Variants in FAM171A1 observed in about 807,000 individuals in gnomAD.
FAM171A1 encodes protein FAM171A1.
A neutral mutation model predicts 74.9 loss-of-function variants in FAM171A1; 23 were observed. The observed-to-expected ratio is 0.31, with a 90% CI of 0.22 to 0.44. The LOEUF (loss-of-function observed/expected upper bound fraction) is 0.44, where lower values mean the gene tolerates loss of function less well. Ranked by LOEUF, FAM171A1 falls within the 20% of genes least tolerant of loss-of-function variation. FAM171A1 has a pLI of 1.00. For missense variants in FAM171A1, 1,162 were observed against 1,159.2 expected, an observed-to-expected ratio of 1.00 and a Z score of -0.03; for synonymous variants, 527 against 505.7, an observed-to-expected ratio of 1.04 and a Z score of -0.57.
rs1564274229 is a variant in FAM171A1, at chr10:15,312,667, C to CTGTG, written c.98-28566_98-28563dup. 1.4e-3 allele frequency among the ~76,000 whole-genome samples: 144 copies of CTGTG among 101,120 alleles called. 1 individual carries two copies. Among genetic ancestry groups the CTGTG allele is most frequent in the African/African-American group, 5.9e-3 (135 of 22,844 alleles). The allele number at this position is 101,120 out of a possible 152,430, so 66.3% of individuals were successfully genotyped here. ...ATCAACTACTGGAATGAGTTCAGCA[C>CTGTG]TGTGTGTTTTTTTTTTTTTTTTTTT... On this transcript the variant is annotated intron_variant, in intron 1 of 7. Transcript: ENST00000378116.
chr10:15,332,585 A>G (rs1370921461), intron 1 of FAM171A1, among the ~76,000 whole-genome samples: 1 of 152,194 alleles, frequency 6.6e-6, no homozygotes, highest in African/African-American at 2.4e-5. Flanking sequence ...AAAGGCCTTC[A>G]TATGATAGAG....
rs543410195 is a variant in FAM171A1 at position 15,235,982 on chromosome 10, G to A, written c.754+12657C>T. Among the ~76,000 whole-genome samples, 11 of 152,278 alleles carry A rather than the reference G, an allele frequency of 7.2e-5. No individual in the cohort carries two copies. The East Asian group carries it at 2.1e-3, about 29-fold the overall frequency. On this transcript the variant is annotated intron_variant, in intron 5 of 7. Transcript: ENST00000378116. ...GTGTTCAGCCAGGAGATAGGAGTGAGCAGAGCCAGGGAGCACATTAGGCTC... is the reference window on the plus strand; with the variant it reads ...GTGTTCAGCCAGGAGATAGGAGTGAACAGAGCCAGGGAGCACATTAGGCTC...
intron 3 of FAM171A1, among the ~76,000 whole-genome samples, chr10:15,256,451 G>A (rs1834581669): frequency 6.6e-6 from 1 of 152,058 alleles, no homozygotes; most frequent in African/African-American, 2.4e-5. Flanking sequence ...CTTCTCCAGG[G>A]GCTGGTTCTC....
At chr10:15,339,073 A>G (rs1275596908) in intron 1 of FAM171A1, among the ~76,000 whole-genome samples, 1 of 152,140 alleles carries the variant, frequency 6.6e-6, no homozygotes, top group African/African-American at 2.4e-5. Context: ...TGCTAAGGTT[A>G]AGTTTTTTAA....
At chr10:15,334,830 T>G (rs1012272810) in intron 1 of FAM171A1, among the ~76,000 whole-genome samples, 2 of 152,226 alleles carry the variant, frequency 1.3e-5, no homozygotes, top group African/African-American at 4.8e-5. Context: ...CTGAATACAC[T>G]TTATGCTACA....
chr10:15,299,801 AC>A (rs1835206936), intron 1 of FAM171A1, among the ~76,000 whole-genome samples: 1 of 151,922 alleles, frequency 6.6e-6, no homozygotes, highest in Non-Finnish European at 1.5e-5. Flanking sequence ...ACACGATGAA[AC>A]CCTGTCTCTC....
chr10:15,249,441 G>A (rs1194862392), intron 4 of FAM171A1, among the ~76,000 whole-genome samples: 2 of 152,272 alleles, frequency 1.3e-5, no homozygotes, highest in East Asian at 3.9e-4. Flanking sequence ...TTTCAAAAAC[G>A]ATCTCAAAAG....
In FAM171A1 at chr10:15,251,696, G is replaced by A. The variant is rs551847118; in HGVS notation, c.578-2881C>T. ...CAAAGTGCTGGGATTACAGGTGTGAGCCATCGCGCCTGGCCTATTCTGCAA... is the reference window on the plus strand; with the variant it reads ...CAAAGTGCTGGGATTACAGGTGTGAACCATCGCGCCTGGCCTATTCTGCAA... On this transcript the variant is annotated intron_variant, in intron 4 of 7. Coordinates refer to ENST00000378116, the MANE Select transcript of FAM171A1 (RefSeq NM_001010924.2). Among the ~76,000 whole-genome samples the A allele has an allele frequency of 2.8e-4, 43 of 152,210 alleles. No homozygotes were observed. In the South Asian group the frequency reaches 8.7e-3, roughly 31 times the overall value.
rs1836013232 is a variant in FAM171A1 at position 15,362,900 on chromosome 10, G to A, written c.97+8056C>T. Among the ~76,000 whole-genome samples the A allele has an allele frequency of 2.6e-5, 4 of 152,256 alleles. No homozygotes were observed. The South Asian group carries it at 8.3e-4, about 32-fold the overall frequency. On this transcript the variant is annotated intron_variant, in intron 1 of 7. Coordinates refer to ENST00000378116, the MANE Select transcript of FAM171A1 (RefSeq NM_001010924.2). ...TATTTTTCCACTTATTTTCCAATAG[G>A]ATTGTAAACTTTCCGAGGTGAGAAT...
At chr10:15,289,289 G>C (rs1487438291) in intron 1 of FAM171A1, among the ~76,000 whole-genome samples, 1 of 152,100 alleles carries the variant, frequency 6.6e-6, no homozygotes, top group Non-Finnish European at 1.5e-5. Flanking sequence ...CTCATTTATA[G>C]GAAGACCCCA....
chr10:15,328,086 C>T (rs199750718), intron 1 of FAM171A1, among the ~76,000 whole-genome samples: 1 of 125,852 alleles, frequency 7.9e-6, no homozygotes, highest in Non-Finnish European at 1.7e-5. Context: ...TTCAAAAAAA[C>T]CCAAAAAACA....
chr10:15,306,550 T>C (rs1011945807), intron 1 of FAM171A1, among the ~76,000 whole-genome samples: 1 of 151,968 alleles, frequency 6.6e-6, no homozygotes, highest in Non-Finnish European at 1.5e-5. Context: ...ATTTTTAGTA[T>C]AGACGGGGTT....
At chr10:15,323,633 C>G (rs1418953616) in intron 1 of FAM171A1, among the ~76,000 whole-genome samples, 1 of 152,004 alleles carries the variant, frequency 6.6e-6, no homozygotes, top group Non-Finnish European at 1.5e-5. Context: ...AAAAGGGGAG[C>G]TAATTATAGG....
intron 3 of FAM171A1, among the ~76,000 whole-genome samples, chr10:15,267,783 T>A (rs921904957): frequency 2.6e-5 from 4 of 151,886 alleles, no homozygotes; most frequent in Non-Finnish European, 5.9e-5. Flanking sequence ...AGGGTGGCCA[T>A]GAGGAGCAGA....
At chr10:15,264,531 T>C (rs1834712432) in intron 3 of FAM171A1, among the ~76,000 whole-genome samples, 1 of 152,064 alleles carries the variant, frequency 6.6e-6, no homozygotes, top group Non-Finnish European at 1.5e-5. Context: ...ACATCGGGCA[T>C]CTCAGCACTT....
chr10:15,218,945 T>C (rs1226679878), intron 6 of FAM171A1, among the ~76,000 whole-genome samples: 1 of 152,044 alleles, frequency 6.6e-6, no homozygotes, highest in Non-Finnish European at 1.5e-5. Context: ...GCTAGGAAGC[T>C]CTCAGGGGAG....
At chr10:15,270,010 A>T (rs1476768097) in intron 3 of FAM171A1, among the ~76,000 whole-genome samples, 1 of 152,158 alleles carries the variant, frequency 6.6e-6, no homozygotes, top group African/African-American at 2.4e-5. Context: ...TGCATTTCCA[A>T]CTGAGGTACC....
chr10:15,222,426 G>A (rs548265633), intron 5 of FAM171A1, among the ~76,000 whole-genome samples: 2 of 152,286 alleles, frequency 1.3e-5, no homozygotes, highest in East Asian at 1.9e-4. Flanking sequence ...TCGTGTGACT[G>A]CGCTGAATAC....
intron 1 of FAM171A1, among the ~76,000 whole-genome samples, chr10:15,361,486 C>A (rs1730002195): frequency 6.6e-6 from 1 of 152,114 alleles, no homozygotes; most frequent in South Asian, 2.1e-4. Flanking sequence ...AGTTCGAGAC[C>A]AGCCTGGCCA....
Sources: gnomAD v4.1 joint callset for allele counts (sites outside exome capture counted in the v4.1 genomes callset) on GRCh38, gnomAD v4.1.1 for gene constraint, MANE v1.5 for transcripts, NCBI Gene and HGNC (gene_info 2026-07-23, HGNC 2026-07-21) for gene names.